The following ANKRD45 variants were observed in gnomAD, a reference collection of about 807,000 sequenced individuals.
The protein encoded by ANKRD45 is ankyrin repeat domain-containing protein 45.
Under a neutral mutation model 28.1 loss-of-function variants are expected in ANKRD45, and 21 were observed. That is an observed-to-expected ratio of 0.75 (90% CI 0.53 to 1.08). The LOEUF is 1.08. Among genes scored for constraint, ANKRD45 ranks in the 50% least tolerant of loss-of-function variants. The probability of loss-of-function intolerance (pLI) is 0.00; values close to 1 mark genes in which losing one functional copy is unlikely to be tolerated. For synonymous variants in ANKRD45, 86 were observed against 103.9 expected (o/e 0.83, Z 1.05); for missense variants, 261 against 308.7 (o/e 0.85, Z 1.16).
chr1:173,679,020 T>C, the ANKRD45 span, among the ~76,000 whole-genome samples: 6 of 152,272 alleles, frequency 3.9e-5, no homozygotes, highest in Non-Finnish European at 7.4e-5. Context: ...CAAGGAGAAC[T>C]ACAAACCACT....
intron 4 of ANKRD45, among the ~76,000 whole-genome samples, chr1:173,625,255 T>G (rs965092360): frequency 3.9e-5 from 6 of 152,062 alleles, no homozygotes; most frequent in Non-Finnish European, 8.8e-5. Flanking sequence ...TCGAGAGTCA[T>G]GAAGCCTGGT....
At chr1:173,679,013 G>A in the ANKRD45 span, among the ~76,000 whole-genome samples, 149 of 152,214 alleles carry the variant, frequency 9.8e-4, 1 homozygote, top group African/African-American at 3.4e-3. Context: ...ACCTCTTCAA[G>A]GAGAACTACA....
intron 4 of ANKRD45, 22 bp from the exon 5 acceptor site, chr1:173,624,947 T>G (rs1169681478): frequency 6.3e-7 from 1 of 1,596,274 alleles, no homozygotes; most frequent in African/African-American, 1.3e-5. Context: ...AATACAGAGT[T>G]TGCTCTCCAC....
Position 173,659,448 on chromosome 1 carries a change from A to T in ANKRD45, c.-15-15T>A. 6.7e-7 allele frequency: 1 copy of T among 1,495,418 alleles called. No homozygotes were observed. The highest frequency in any genetic ancestry group is 1.5e-5 in the South Asian group (1 of 67,300). 92.6% of individuals were successfully genotyped at this position (1,495,418 alleles called of 1,614,324 possible). On this transcript the variant is annotated splice_polypyrimidine_tract_variant and intron_variant, in intron 1 of 5. Transcript: ENST00000333279. ...TCCAAAAATACCTATGACCAAAAAA[A>T]TAAAAAAGTGATAAAAATCTACTCA...
upstream of ANKRD45, among the ~76,000 whole-genome samples, chr1:173,671,181 AT>A (rs917304526): frequency 4.7e-5 from 7 of 148,254 alleles, no homozygotes; most frequent in Non-Finnish European, 7.5e-5. Context: ...CCCACCCCCT[AT>A]TTTTTTTTCT....
chr1:173,630,304 GTATTTTGAA>G (rs1668131764), intron 3 of ANKRD45, among the ~76,000 whole-genome samples: 2 of 152,090 alleles, frequency 1.3e-5, no homozygotes, highest in Non-Finnish European at 2.9e-5. Flanking sequence ...TAAACTACTC[GTATTTTGAA>G]TAGAAAGACT....
chr1:173,656,697 T>C (rs1227302162), intron 2 of ANKRD45, among the ~76,000 whole-genome samples: 3 of 152,150 alleles, frequency 2.0e-5, no homozygotes, highest in African/African-American at 7.2e-5. Context: ...AATACTGTGT[T>C]ATTTCTCTTA....
At chr1:173,693,025 C>T in the ANKRD45 span, among the ~76,000 whole-genome samples, 2 of 151,540 alleles carry the variant, frequency 1.3e-5, no homozygotes, top group African/African-American at 4.9e-5. Flanking sequence ...TGGCTCACAC[C>T]TGTAATCCCA....
At chr1:173,631,818 A>G (rs1195858885) in intron 3 of ANKRD45, among the ~76,000 whole-genome samples, 1 of 152,102 alleles carries the variant, frequency 6.6e-6, no homozygotes, top group Non-Finnish European at 1.5e-5. Context: ...ACAATATACC[A>G]AAAGTATGGA....
intron 5 of ANKRD45, among the ~76,000 whole-genome samples, chr1:173,621,545 A>C (rs1261088619): frequency 6.6e-6 from 1 of 152,210 alleles, no homozygotes; most frequent in East Asian, 1.9e-4. Flanking sequence ...AGCAGAACTA[A>C]AGACAAAAAC....
chr1:173,695,678 C>A, the ANKRD45 span, among the ~76,000 whole-genome samples: 22 of 152,256 alleles, frequency 1.4e-4, 1 homozygote, highest in African/African-American at 5.1e-4. Context: ...GTGTGTGTGT[C>A]TTTTTGGCAG....
the ANKRD45 span, among the ~76,000 whole-genome samples, chr1:173,678,240 A>C: frequency 6.6e-6 from 1 of 152,094 alleles, no homozygotes; most frequent in African/African-American, 2.4e-5. Context: ...TGATACAAAA[A>C]CCTGGCAGAG....
the ANKRD45 span, among the ~76,000 whole-genome samples, chr1:173,678,657 A>T: frequency 1.3e-5 from 2 of 152,062 alleles, no homozygotes; most frequent in East Asian, 3.8e-4. Context: ...CTGGTGCAAG[A>T]CAAAACTGGC....
intron 3 of ANKRD45, among the ~76,000 whole-genome samples, chr1:173,637,616 T>C (rs933556892): frequency 5.9e-5 from 9 of 152,142 alleles, no homozygotes; most frequent in African/African-American, 2.2e-4. Flanking sequence ...TCAGGTTGAG[T>C]ACAGAATGTG....
At chr1:173,628,441 C>G (rs1242982247) in intron 3 of ANKRD45, among the ~76,000 whole-genome samples, 2 of 152,100 alleles carry the variant, frequency 1.3e-5, no homozygotes, top group Non-Finnish European at 2.9e-5. Flanking sequence ...CAGTATTCAC[C>G]ACAGGCTGAT....
chr1:173,658,292 C>G (rs1207273776), intron 2 of ANKRD45: 1 of 157,382 alleles, frequency 6.4e-6, no homozygotes, highest in African/African-American at 2.4e-5. Context: ...CCATTACACT[C>G]CAGCCTGGGC....
the ANKRD45 span, among the ~76,000 whole-genome samples, chr1:173,694,311 A>C: frequency 2.0e-5 from 3 of 151,942 alleles, no homozygotes; most frequent in Non-Finnish European, 2.9e-5. Context: ...CTACAGGTGC[A>C]TGCCACGGAC....
the ANKRD45 span, among the ~76,000 whole-genome samples, chr1:173,691,781 C>T: frequency 1.1e-3 from 160 of 152,036 alleles, 1 homozygote; most frequent in Admixed American, 4.3e-3. Context: ...AGAGAGACTC[C>T]GTCTCAAAAA....
intron 4 of ANKRD45, among the ~76,000 whole-genome samples, chr1:173,626,191 C>A (rs1423199151): frequency 6.6e-6 from 1 of 152,102 alleles, no homozygotes; most frequent in Non-Finnish European, 1.5e-5. Flanking sequence ...TTTAGCAATA[C>A]CTAATTCTTT....
Sources: gnomAD v4.1 joint callset for allele counts (sites outside exome capture counted in the v4.1 genomes callset) on GRCh38, gnomAD v4.1.1 for gene constraint, MANE v1.5 for transcripts, NCBI Gene and HGNC (gene_info 2026-07-23, HGNC 2026-07-21) for gene names.